The following MPV17 variants were observed in gnomAD, a reference collection of about 807,000 sequenced individuals.
MPV17 encodes the protein MPV17, mitochondrial inner membrane protein.
Under a neutral mutation model 28.6 loss-of-function variants are expected in MPV17, and 31 were observed. That is an observed-to-expected ratio of 1.08 (90% confidence interval 0.81 to 1.46). The LOEUF (loss-of-function observed/expected upper bound fraction) is 1.46. Among genes scored for constraint, MPV17 ranks in the 40% most tolerant of loss-of-function variants. The pLI, the probability that MPV17 is intolerant of heterozygous loss-of-function variation, is 0.00. For missense variants in MPV17, 198 were observed against 216.2 expected (o/e 0.92, Z 0.53); for synonymous variants, 87 against 85.3 (o/e 1.02, Z -0.11).
At chr2:27,319,493 C>T (rs1679776004) in intron 2 of MPV17, among the ~76,000 whole-genome samples, 1 of 142,216 alleles carries the variant, frequency 7.0e-6, no homozygotes. Flanking sequence ...TGGGATCATG[C>T]CACTGCACTC....
At chr2:27,312,844 G>GC (rs1199538938) in intron 3 of MPV17, 72 bp from the exon 4 acceptor site, 1 of 1,550,040 alleles carries the variant, frequency 6.5e-7, no homozygotes, top group Non-Finnish European at 8.9e-7. Flanking sequence ...TAAGCTCCCT[G>GC]CCCCAAGTAT....
chr2:27,318,783 G>C (rs62130715), intron 2 of MPV17, among the ~76,000 whole-genome samples: 1 of 145,812 alleles, frequency 6.9e-6, no homozygotes, highest in Non-Finnish European at 1.5e-5. Context: ...TTTTTTTTTG[G>C]AGATGGAGTC....
At chr2:27,312,119 G>T in intron 6 of MPV17, 95 bp downstream of exon 6, 2 of 1,483,432 alleles carry the variant, frequency 1.3e-6, no homozygotes, top group Non-Finnish European at 1.9e-6. Context: ...TAATCCCAAC[G>T]GAAGGGTTTC....
chr2:27,313,778 T>C (rs956641849), intron 2 of MPV17, among the ~76,000 whole-genome samples: 1 of 152,164 alleles, frequency 6.6e-6, no homozygotes, highest in Non-Finnish European at 1.5e-5. Flanking sequence ...AGTGGCATGA[T>C]CTTGGCTCAC....
Position 27,319,984 on chromosome 2 carries a change from C to T in MPV17, c.70+2464G>A, listed in dbSNP as rs534586091. ...TGAGCTCAGTGGCTCACACCTGTAA[C>T]CCCAGCACTTTAGGAGGCCGAGGCG... On this transcript the variant is annotated intron_variant, in intron 2 of 7. Coordinates refer to ENST00000380044, the MANE Select transcript of MPV17 (RefSeq NM_002437.5). Among the ~76,000 whole-genome samples the T allele has an allele frequency of 3.8e-4, 57 of 150,354 alleles. 2 individuals are homozygous for T. Among genetic ancestry groups the T allele is most frequent in the Admixed American group, 3.5e-3 (53 of 15,082 alleles).
intron 2 of MPV17, among the ~76,000 whole-genome samples, chr2:27,314,794 C>T (rs1679589325): frequency 6.6e-6 from 1 of 152,234 alleles, no homozygotes; most frequent in Non-Finnish European, 1.5e-5. Context: ...TAGCACTGGA[C>T]AAACACATCC....
At chr2:27,321,214 C>T (rs967838418) in intron 2 of MPV17, among the ~76,000 whole-genome samples, 14 of 152,224 alleles carry the variant, frequency 9.2e-5, no homozygotes, top group African/African-American at 3.4e-4. Flanking sequence ...TGAGCCTGGG[C>T]AAAGGGCCCA....
intron 2 of MPV17, chr2:27,316,168 A>C: frequency 6.4e-7 from 1 of 1,551,110 alleles, no homozygotes; most frequent in East Asian, 2.4e-5. Flanking sequence ...CCTCGTGGGG[A>C]TGGCAGACAG....
At chr2:27,312,945 C>T (rs774422775) in intron 3 of MPV17, 49 bp downstream of exon 3, 1 of 1,603,982 alleles carries the variant, frequency 6.2e-7, no homozygotes, top group Admixed American at 1.7e-5. Context: ...TGGCAAAGAA[C>T]TAAGACCACT....
chr2:27,322,230 A>C, intron 2 of MPV17: 1 of 603,678 alleles, frequency 1.7e-6, no homozygotes, highest in East Asian at 2.8e-5. Context: ...TTGAAATCCT[A>C]AAACCCTACT....
At chr2:27,322,164 C>A in intron 2 of MPV17, 2 of 520,860 alleles carry the variant, frequency 3.8e-6, no homozygotes, top group Non-Finnish European at 6.9e-6. Context: ...CAAGTTGAGG[C>A]CTCCTGGGGC....
At chr2:27,322,120 T>C (rs1679882194) in intron 2 of MPV17, 1 of 408,606 alleles carries the variant, frequency 2.4e-6, no homozygotes, top group Non-Finnish European at 4.6e-6. Flanking sequence ...CCATAACGTA[T>C]ATGAAAGTGC....
chr2:27,321,074 G>A (rs1282987479), intron 2 of MPV17, among the ~76,000 whole-genome samples: 1 of 152,184 alleles, frequency 6.6e-6, no homozygotes, highest in Admixed American at 6.5e-5. Flanking sequence ...GGCCTCCTTG[G>A]AGCTCTAGCT....
chr2:27,310,390 C>T (rs1283788913), intron 7 of MPV17, among the ~76,000 whole-genome samples: 2 of 152,192 alleles, frequency 1.3e-5, no homozygotes, highest in African/African-American at 4.8e-5. Flanking sequence ...GCCACGACAC[C>T]CAGCCCTTTC....
chr2:27,310,146 C>T (rs1337373973), intron 7 of MPV17, among the ~76,000 whole-genome samples, 165 bp from the exon 8 acceptor site: 2 of 152,078 alleles, frequency 1.3e-5, no homozygotes, highest in Non-Finnish European at 2.9e-5. Flanking sequence ...CCTCTGTTGC[C>T]CAGGCTGGAG....
chr2:27,309,692 G>A lies in MPV17; in HGVS notation c.*220C>T. The A allele has an allele frequency of 1.6e-6, 1 of 627,690 alleles. No individual in the cohort carries two copies. The highest frequency in any genetic ancestry group is 2.9e-6 in the Non-Finnish European group (1 of 344,738). The allele number at this position is 627,690 out of a possible 1,614,324, so 38.9% of individuals were successfully genotyped here. Reference sequence around the variant, plus strand: ...TGAAGGTTCAACAGATATTTATGGAGTGCCTAGTATGTGGTGGGAATAAGA... The same window carrying A: ...TGAAGGTTCAACAGATATTTATGGAATGCCTAGTATGTGGTGGGAATAAGA... On this transcript the variant is annotated 3_prime_UTR_variant, in exon 8 of 8. Transcript: ENST00000380044.
Position 27,312,716 on chromosome 2 carries a change from GGTGGTGCCA to G in MPV17, c.234_242del (p.Gly79_Thr81del), listed in dbSNP as rs267607262. The G allele has an allele frequency of 1.2e-6, 2 of 1,614,202 alleles. No homozygotes were observed. The highest frequency in any genetic ancestry group is 1.7e-6 in the Non-Finnish European group (2 of 1,180,044). ...ACATCTTCTTCAGTGCATCCACTTTGGTGGTGCCAGGGATGAACCGATCCAAAACCTTGT... is the reference window on the plus strand; with the variant it reads ...ACATCTTCTTCAGTGCATCCACTTTGGGGATGAACCGATCCAAAACCTTGT... On this transcript the variant is annotated inframe_deletion, in exon 4 of 8. Coordinates refer to ENST00000380044, the MANE Select transcript of MPV17 (RefSeq NM_002437.5).
At chr2:27,312,021 C>T in intron 6 of MPV17, 70 bp from the exon 7 acceptor site, 1 of 1,572,132 alleles carries the variant, frequency 6.4e-7, no homozygotes, top group Non-Finnish European at 8.7e-7. Flanking sequence ...TCTTGCCTGG[C>T]CCTACCCCAA....
chr2:27,312,435 T>C (rs772621135), intron 5 of MPV17, 59 bp downstream of exon 5: 2 of 1,574,516 alleles, frequency 1.3e-6, no homozygotes, highest in South Asian at 2.2e-5. Context: ...AAACCTGTCT[T>C]CTTCCCCTGG....
Sources: allele counts gnomAD v4.1 joint callset (sites outside exome capture counted in the v4.1 genomes callset), GRCh38; gene constraint gnomAD v4.1.1; transcripts MANE v1.5; gene names NCBI Gene and HGNC (gene_info 2026-07-23, HGNC 2026-07-21).